PLD1: variants seen among roughly 807,000 people sequenced by gnomAD.
PLD1 encodes phospholipase D1.
Under a neutral mutation model 137.1 loss-of-function variants are expected in PLD1, and 112 were observed. The ratio of observed to expected loss-of-function variants is 0.82; its 90% CI spans 0.70 to 0.96. PLD1 has a LOEUF of 0.96. PLD1 is among the 40% of genes least tolerant of loss of function. PLD1 has a pLI of 0.00. For missense variants in PLD1, 1,321 were observed against 1,342.0 expected, an observed-to-expected ratio of 0.98 and a Z score of 0.24; for synonymous variants, 431 against 454.7, an observed-to-expected ratio of 0.95 and a Z score of 0.66.
chr3:171,633,412 T>C (rs145519247), intron 23 of PLD1, among the ~76,000 whole-genome samples: 1 of 152,258 alleles, frequency 6.6e-6, no homozygotes, highest in East Asian at 1.9e-4. Context: ...TCTGAGAACC[T>C]GGAGATTTAT....
At position 171,764,873 on chromosome 3, in the gene PLD1, A is replaced by AG. The variant is rs1491521484; in HGVS notation, c.-31-26792_-31-26791insC. ...AAAGAAAGAAAGAAAGAAAGAAAGAAAGAAAGAAAGAAAGAAAGAAAGGAA... is the reference window on the plus strand; with the variant it reads ...AAAGAAAGAAAGAAAGAAAGAAAGAAGAGAAAGAAAGAAAGAAAGAAAGGAA... On this transcript the variant is annotated intron_variant, in intron 1 of 26. Transcript: ENST00000351298. Among the ~76,000 whole-genome samples the AG allele has an allele frequency of 1.1e-4, 3 of 26,120 alleles. 1 individual carries two copies. Among genetic ancestry groups the AG allele is most frequent in the Non-Finnish European group, 1.7e-4 (2 of 11,806 alleles). The allele number at this position is 26,120 out of a possible 152,430, so 17.1% of individuals were successfully genotyped here. A position where few individuals can be genotyped will look rare whatever the true frequency, so the allele number is the denominator to read the frequency against.
chr3:171,792,543 G>T (rs752752283), intron 1 of PLD1: 1 of 456,194 alleles, frequency 2.2e-6, no homozygotes, highest in East Asian at 6.9e-5. Flanking sequence ...CAAACCAGGG[G>T]ACAAACCAGG....
intron 23 of PLD1, among the ~76,000 whole-genome samples, chr3:171,632,267 C>T (rs557980593): frequency 1.3e-5 from 2 of 152,076 alleles, no homozygotes; most frequent in African/African-American, 4.8e-5. Context: ...AGCTCTGCCA[C>T]CCCCCAAAAT....
At chr3:171,672,705 G>A (rs889634569) in intron 19 of PLD1, among the ~76,000 whole-genome samples, 4 of 152,070 alleles carry the variant, frequency 2.6e-5, no homozygotes, top group Non-Finnish European at 5.9e-5. Flanking sequence ...TGCCCAGGCT[G>A]GTCTTGGACT....
chr3:171,639,629 CTAT>C (rs1735528807), intron 23 of PLD1, among the ~76,000 whole-genome samples: 1 of 69,668 alleles, frequency 1.4e-5, no homozygotes, highest in East Asian at 3.9e-4. Context: ...AATATATATT[CTAT>C]ATAATATATA....
chr3:171,649,751 T>G (rs1273426948), intron 21 of PLD1, among the ~76,000 whole-genome samples: 1 of 152,234 alleles, frequency 6.6e-6, no homozygotes, highest in Non-Finnish European at 1.5e-5. Flanking sequence ...CTCAGGCTTC[T>G]TGTTAAAAGT....
At chr3:171,677,715 C>G (rs1462078179) in intron 16 of PLD1, 21 bp from the exon 17 acceptor site, 1 of 1,611,174 alleles carries the variant, frequency 6.2e-7, no homozygotes, top group Admixed American at 1.7e-5. Context: ...AGCAAGACCC[C>G]CTCAGAGACT....
At chr3:171,611,233 A>G (rs949700381) in intron 25 of PLD1, among the ~76,000 whole-genome samples, 1 of 152,170 alleles carries the variant, frequency 6.6e-6, no homozygotes, top group Non-Finnish European at 1.5e-5. Flanking sequence ...GACTTCCTAC[A>G]AAGGCCTAGA....
At chr3:171,631,321 G>A (rs747260815) in intron 23 of PLD1, among the ~76,000 whole-genome samples, 9 of 152,036 alleles carry the variant, frequency 5.9e-5, no homozygotes, top group South Asian at 4.1e-4. Context: ...AATATGCTGC[G>A]GATAATGGGA....
At chr3:171,696,697 G>A (rs927363135) in intron 12 of PLD1, among the ~76,000 whole-genome samples, 1 of 152,146 alleles carries the variant, frequency 6.6e-6, no homozygotes, top group African/African-American at 2.4e-5. Flanking sequence ...CATATAAAAT[G>A]TCAATTTGGA....
chr3:171,609,504 GAAAA>G (rs1732473645), intron 25 of PLD1, among the ~76,000 whole-genome samples: 1 of 104,510 alleles, frequency 9.6e-6, no homozygotes, highest in Admixed American at 1.0e-4. Context: ...ATTACATAAA[GAAAA>G]CACACACACA....
At chr3:171,662,209 T>C (rs762513713) in intron 19 of PLD1, 39 bp from the exon 20 acceptor site, 1 of 1,110,350 alleles carries the variant, frequency 9.0e-7, no homozygotes, top group South Asian at 1.3e-5. Flanking sequence ...GTATTAGCAA[T>C]GGAGAGGACA....
chr3:171,776,859 G>A (rs912838120), intron 1 of PLD1, among the ~76,000 whole-genome samples: 1 of 152,166 alleles, frequency 6.6e-6, no homozygotes, highest in Non-Finnish European at 1.5e-5. Flanking sequence ...GAAGGCGCGT[G>A]TGATAGCACC....
intron 1 of PLD1, among the ~76,000 whole-genome samples, chr3:171,796,252 T>C (rs1194253455): frequency 6.6e-6 from 1 of 152,220 alleles, no homozygotes; most frequent in Non-Finnish European, 1.5e-5. Context: ...TCTCCATATA[T>C]GGTGTGATTA....
intron 1 of PLD1, among the ~76,000 whole-genome samples, chr3:171,798,382 T>C (rs1251836968): frequency 6.6e-6 from 1 of 152,232 alleles, no homozygotes; most frequent in African/African-American, 2.4e-5. Context: ...GGTCAAATTT[T>C]ACAGACTCCT....
At chr3:171,756,850 C>T (rs1721067065) in intron 1 of PLD1, among the ~76,000 whole-genome samples, 1 of 152,172 alleles carries the variant, frequency 6.6e-6, no homozygotes, top group Non-Finnish European at 1.5e-5. Flanking sequence ...TCTGCAAAGA[C>T]AACTCCGTCA....
At chr3:171,790,818 A>G (rs1383851581) in intron 1 of PLD1, among the ~76,000 whole-genome samples, 1 of 152,192 alleles carries the variant, frequency 6.6e-6, no homozygotes, top group Non-Finnish European at 1.5e-5. Context: ...CCAACGGACT[A>G]CTTCTGGACT....
chr3:171,785,002 G>A (rs778952828), intron 1 of PLD1, among the ~76,000 whole-genome samples: 31 of 152,274 alleles, frequency 2.0e-4, no homozygotes, highest in Non-Finnish European at 4.1e-4. Context: ...ACAGTGTTAG[G>A]TGCACCTATT....
At chr3:171,741,790 A>AT (rs1391235476) in intron 1 of PLD1, among the ~76,000 whole-genome samples, 1 of 152,174 alleles carries the variant, frequency 6.6e-6, no homozygotes, top group Non-Finnish European at 1.5e-5. Context: ...TCTATTCTTG[A>AT]TTTTCAACAA....
Sources: gnomAD v4.1 joint callset for allele counts (sites outside exome capture counted in the v4.1 genomes callset) on GRCh38, gnomAD v4.1.1 for gene constraint, MANE v1.5 for transcripts, NCBI Gene and HGNC (gene_info 2026-07-23, HGNC 2026-07-21) for gene names.